Variants in OR51B5 observed in about 807,000 individuals in gnomAD.
OR51B5 encodes olfactory receptor family 51 subfamily B member 5, also known as olfactory receptor 51B5.
For synonymous variants in OR51B5, 186 were observed against 144.8 expected, an observed-to-expected ratio of 1.28 and a Z score of -2.04; for missense variants, 456 against 374.6, an observed-to-expected ratio of 1.22 and a Z score of -1.79.
At chr11:5,429,838 T>C (rs921983197) in intron 1 of OR51B5, among the ~76,000 whole-genome samples, 3 of 152,240 alleles carry the variant, frequency 2.0e-5, no homozygotes, top group African/African-American at 7.2e-5. Flanking sequence ...CCTGGGATTC[T>C]ACTAAAGAAG....
chr11:5,414,993 C>A (rs999424749), intron 1 of OR51B5, among the ~76,000 whole-genome samples: 1 of 152,158 alleles, frequency 6.6e-6, no homozygotes, highest in Non-Finnish European at 1.5e-5. Flanking sequence ...CACCACACCA[C>A]ACCTATTCCA....
chr11:5,387,341 C>T (rs1308883902), intron 1 of OR51B5, among the ~76,000 whole-genome samples: 1 of 152,050 alleles, frequency 6.6e-6, no homozygotes, highest in Non-Finnish European at 1.5e-5. Flanking sequence ...CCCTAGAAGT[C>T]ACTGGTGAAT....
chr11:5,414,168 T>C (rs1244441933), intron 1 of OR51B5, among the ~76,000 whole-genome samples: 1 of 151,290 alleles, frequency 6.6e-6, no homozygotes, highest in African/African-American at 2.5e-5. Context: ...CAGAATTTCA[T>C]ATCCAGCCAA....
At chr11:5,485,327 G>A (rs1338816497) in intron 1 of OR51B5, among the ~76,000 whole-genome samples, 2 of 152,180 alleles carry the variant, frequency 1.3e-5, no homozygotes, top group Non-Finnish European at 2.9e-5. Context: ...TTGAGGCAAC[G>A]TTCAGAAGTT....
chr11:5,489,170 G>A (rs764257994), intron 1 of OR51B5: 3 of 1,613,428 alleles, frequency 1.9e-6, no homozygotes, highest in Non-Finnish European at 2.5e-6. Context: ...CTATTCCGTA[G>A]TGTGGCTATT....
downstream of OR51B5, chr11:5,341,138 C>A (rs924550398): frequency 2.0e-5 from 3 of 152,066 alleles, no homozygotes; most frequent in Admixed American, 6.6e-5. Flanking sequence ...ATGAGCAATA[C>A]CTGAGATAGG....
At chr11:5,429,850 A>G (rs1178107976) in intron 1 of OR51B5, among the ~76,000 whole-genome samples, 1 of 152,178 alleles carries the variant, frequency 6.6e-6, no homozygotes, top group Admixed American at 6.5e-5. Flanking sequence ...CTAAAGAAGA[A>G]TTTGCTGCTT....
At chr11:5,416,507 T>C (rs1489468542) in intron 1 of OR51B5, among the ~76,000 whole-genome samples, 3 of 151,546 alleles carry the variant, frequency 2.0e-5, no homozygotes, top group African/African-American at 4.8e-5. Flanking sequence ...GCAGATGACA[T>C]GATTGTATAT....
intron 1 of OR51B5, among the ~76,000 whole-genome samples, chr11:5,377,999 C>G (rs1849553746): frequency 1.3e-5 from 2 of 150,510 alleles, no homozygotes; most frequent in Admixed American, 1.3e-4. Context: ...GCCTGCATTG[C>G]CAAGTCAATC....
chr11:5,503,383 C>G (rs183577648), intron 1 of OR51B5, among the ~76,000 whole-genome samples: 1 of 152,018 alleles, frequency 6.6e-6, no homozygotes, highest in Admixed American at 6.6e-5. Context: ...GTAAATAAAC[C>G]CAAATGCGTA....
intron 1 of OR51B5, among the ~76,000 whole-genome samples, chr11:5,375,771 T>C (rs1849517021): frequency 1.3e-5 from 2 of 152,134 alleles, no homozygotes; most frequent in African/African-American, 4.8e-5. Context: ...CTATCCTAAA[T>C]ATATATGCAC....
intron 1 of OR51B5, among the ~76,000 whole-genome samples, chr11:5,376,688 G>A (rs541282455): frequency 2.4e-4 from 37 of 152,038 alleles, no homozygotes; most frequent in East Asian, 7.7e-4. Context: ...ACACCTCTAC[G>A]CAAATAAACT....
chr11:5,491,896 T>C (rs1390285813), intron 1 of OR51B5, among the ~76,000 whole-genome samples: 2 of 152,216 alleles, frequency 1.3e-5, no homozygotes, highest in Non-Finnish European at 2.9e-5. Flanking sequence ...TCATTTAGAC[T>C]GCTGCATGAA....
At chr11:5,458,494 A>T (rs1850997370) in intron 1 of OR51B5, among the ~76,000 whole-genome samples, 1 of 152,112 alleles carries the variant, frequency 6.6e-6, no homozygotes, top group South Asian at 2.1e-4. Flanking sequence ...TAATTCTGAG[A>T]AGATGTTGGT....
intron 1 of OR51B5, among the ~76,000 whole-genome samples, chr11:5,379,989 TA>T (rs10694400): frequency 6.5e-4 from 94 of 145,512 alleles, no homozygotes; most frequent in Admixed American, 1.2e-3. Flanking sequence ...AACAAAACTT[TA>T]AAAAAAAAAA....
At chr11:5,455,884 T>A (rs1850951969) in intron 1 of OR51B5, 1 of 152,154 alleles carries the variant, frequency 6.6e-6, no homozygotes, top group Non-Finnish European at 1.5e-5. Context: ...ACTAAATAGA[T>A]TGCTTTTAGA....
At chr11:5,442,229 T>A (rs1850700010) in intron 1 of OR51B5, among the ~76,000 whole-genome samples, 1 of 152,102 alleles carries the variant, frequency 6.6e-6, no homozygotes, top group Non-Finnish European at 1.5e-5. Context: ...AATTCTACAA[T>A]CAAACCAGGT....
At position 5,394,469 on chromosome 11, in the gene OR51B5, C is replaced by T. The variant is rs150061097; in HGVS notation, n.85-47559G>A. Among the ~76,000 whole-genome samples, 795 of 152,284 alleles carry T rather than the reference C, an allele frequency of 5.2e-3. 7 individuals are homozygous for T. Among genetic ancestry groups the T allele is most frequent in the African/African-American group, 0.018 (745 of 41,562 alleles). Reference sequence around the variant, plus strand: ...AGTATCTGCTTTAAATCATCTGGCCCATTCCTCAGCACAAGCCTATATTCC... The same window carrying T: ...AGTATCTGCTTTAAATCATCTGGCCTATTCCTCAGCACAAGCCTATATTCC... On this transcript the variant is annotated intron_variant and non_coding_transcript_variant, in intron 1 of 4. Coordinates refer to the OR51B5 transcript ENST00000415970.
chr11:5,476,272 A>G (rs1048593943), intron 1 of OR51B5, among the ~76,000 whole-genome samples: 5 of 152,232 alleles, frequency 3.3e-5, no homozygotes, highest in African/African-American at 1.2e-4. Flanking sequence ...TGAAAACATT[A>G]TGAAACAGAT....
Sources: gnomAD v4.1 joint callset for allele counts (sites outside exome capture counted in the v4.1 genomes callset) on GRCh38, gnomAD v4.1.1 for gene constraint, MANE v1.5 for transcripts, NCBI Gene and HGNC (gene_info 2026-07-23, HGNC 2026-07-21) for gene names.